Variants in SFXN2 observed in about 807,000 individuals in gnomAD.
SFXN2 encodes sideroflexin-2.
Under a neutral mutation model 41.9 loss-of-function variants are expected in SFXN2, and 37 were observed. The ratio of observed to expected loss-of-function variants is 0.88; its 90% CI spans 0.68 to 1.16. The LOEUF is 1.16. Ranked by LOEUF, SFXN2 falls within the 50% of genes most tolerant of loss-of-function variation. The probability of loss-of-function intolerance (pLI) is 0.00; values close to 1 mark genes in which losing one functional copy is unlikely to be tolerated. For missense variants in SFXN2, 386 were observed against 425.2 expected (o/e 0.91, Z 0.81); for synonymous variants, 150 against 156.7 (o/e 0.96, Z 0.32).
At chr10:102,723,503 C>T (rs1008949201) in intron 1 of SFXN2, among the ~76,000 whole-genome samples, 1 of 152,116 alleles carries the variant, frequency 6.6e-6, no homozygotes, top group South Asian at 2.1e-4. Context: ...CCAACCGCCT[C>T]GGCCTCCCAA....
chr10:102,731,786 G>A lies in SFXN2; in HGVS notation c.654+3G>A, dbSNP rs2064708269. 6.2e-7 allele frequency: 1 copy of A among 1,613,686 alleles called. No individual in the cohort carries two copies. Among genetic ancestry groups the A allele is most frequent in the South Asian group, 1.1e-5 (1 of 91,018 alleles). On this transcript the variant is annotated splice_donor_region_variant and intron_variant, in intron 7 of 11. Transcript: ENST00000369893. ...AAAATGAGATTGGTCATTCCCGGGTGAGCAGAGGCCTCCCTTTGGGGTGGG... is the reference window on the plus strand; with the variant it reads ...AAAATGAGATTGGTCATTCCCGGGTAAGCAGAGGCCTCCCTTTGGGGTGGG...
At chr10:102,732,446 G>A (rs2064717811) in intron 8 of SFXN2, among the ~76,000 whole-genome samples, 1 of 152,208 alleles carries the variant, frequency 6.6e-6, no homozygotes, top group Non-Finnish European at 1.5e-5. Flanking sequence ...TACTTGTCAA[G>A]CCCTTGTGTT....
chr10:102,720,380 C>T (rs2489740), intron 1 of SFXN2, among the ~76,000 whole-genome samples: 150,049 of 150,314 alleles, frequency 1, 74,892 homozygotes, highest in East Asian at 1. Context: ...GAGGCTGAGG[C>T]AGGTAGATCC....
intron 1 of SFXN2, among the ~76,000 whole-genome samples, chr10:102,723,065 G>A (rs2064533605): frequency 6.6e-6 from 1 of 150,834 alleles, no homozygotes; most frequent in Admixed American, 6.6e-5. Context: ...CCCAGTAGCT[G>A]GGACTGCAGG....
intron 1 of SFXN2, among the ~76,000 whole-genome samples, chr10:102,720,689 A>G (rs1203757668): frequency 6.6e-6 from 1 of 152,120 alleles, no homozygotes; most frequent in Non-Finnish European, 1.5e-5. Context: ...TCTCCCTCAA[A>G]GCCAATTTTT....
At chr10:102,718,339 T>C (rs2064448331) in intron 1 of SFXN2, among the ~76,000 whole-genome samples, 1 of 152,244 alleles carries the variant, frequency 6.6e-6, no homozygotes. Flanking sequence ...AGTCAGGCTG[T>C]CTCCAGCATG....
chr10:102,731,134 G>A lies in SFXN2; in HGVS notation c.594-589G>A, dbSNP rs2064697420. Among the ~76,000 whole-genome samples, 3 of 151,668 alleles carry A rather than the reference G, an allele frequency of 2.0e-5. No homozygotes were observed. In the South Asian group the frequency reaches 6.3e-4, roughly 32 times the overall value. On this transcript the variant is annotated intron_variant, in intron 6 of 11. Transcript: ENST00000369893. ...AAACAAAAATTAGCCGGGCATGGTG[G>A]CGCATGCCTGTAATTCTAGCTACTG...
intron 9 of SFXN2, 113 bp downstream of exon 9, chr10:102,733,021 C>G: frequency 9.2e-7 from 1 of 1,083,396 alleles, no homozygotes; most frequent in Non-Finnish European, 1.4e-6. Context: ...AGCTACCATG[C>G]TGTCATCTCA....
At chr10:102,720,350 C>T (rs2064491125) in intron 1 of SFXN2, among the ~76,000 whole-genome samples, 1 of 149,264 alleles carries the variant, frequency 6.7e-6, no homozygotes, top group Non-Finnish European at 1.5e-5. Context: ...TAGCTCACTC[C>T]TGTAATCCCA....
At position 102,734,401 on chromosome 10, in the gene SFXN2, C is replaced by G. The variant is rs957229824; in HGVS notation, c.821+798C>G. ...ACTGTATATTTTCTCTGTGTCCCCA[C>G]TGAACCCAGTGTTTCATATCTATAA... On this transcript the variant is annotated intron_variant, in intron 10 of 11. Transcript: ENST00000369893. The surrounding 1 kb of genome is among the most constrained non-coding windows in gnomAD (Gnocchi z 4.1). Among the ~76,000 whole-genome samples the G allele has an allele frequency of 6.6e-6, 1 of 152,212 alleles. No individual in the cohort carries two copies. The highest frequency in any genetic ancestry group is 1.9e-4 in the East Asian group (1 of 5,200).
chr10:102,737,576 G>A (rs752223707), intron 11 of SFXN2, 87 bp from the exon 12 acceptor site: 2 of 833,028 alleles, frequency 2.4e-6, no homozygotes, highest in Non-Finnish European at 4.1e-6. Flanking sequence ...GAAAAATCAG[G>A]AGGGCTTCTT....
intron 9 of SFXN2, among the ~76,000 whole-genome samples, chr10:102,733,216 T>A (rs1320782302): frequency 6.6e-6 from 1 of 152,122 alleles, no homozygotes; most frequent in African/African-American, 2.4e-5. Context: ...GGCGCGATCT[T>A]GGCTCACTGC....
intron 7 of SFXN2, 27 bp from the exon 8 acceptor site, chr10:102,732,125 T>C (rs1237850305): frequency 6.2e-6 from 10 of 1,607,444 alleles, no homozygotes; most frequent in Non-Finnish European, 8.5e-6. Context: ...ACATCATTTC[T>C]GACAACTTAC....
chr10:102,737,284 G>T (rs2064793632), intron 11 of SFXN2, among the ~76,000 whole-genome samples: 1 of 152,156 alleles, frequency 6.6e-6, no homozygotes. Flanking sequence ...AAAGGGAAGG[G>T]ATACATCAGA....
In SFXN2 at chr10:102,742,386, C is replaced by A. The variant is rs1348894278; in HGVS notation, c.*4624C>A. 1 of 151,892 alleles carries A rather than the reference C, an allele frequency of 6.6e-6. No individual in the cohort carries two copies. Among genetic ancestry groups the A allele is most frequent in the Admixed American group, 6.6e-5 (1 of 15,218 alleles). The allele number at this position is 151,892 out of a possible 1,614,324, so 9.4% of individuals were successfully genotyped here. On this transcript the variant is annotated 3_prime_UTR_variant, in exon 12 of 12. Transcript: ENST00000369893. ...TTTCACAATGTTGGCCAGGCTCGAACTCCTGACCATGTGATCCGCCCACCT... is the reference window on the plus strand; with the variant it reads ...TTTCACAATGTTGGCCAGGCTCGAAATCCTGACCATGTGATCCGCCCACCT...
At chr10:102,727,498 G>A (rs2064619795) in intron 3 of SFXN2, among the ~76,000 whole-genome samples, 1 of 152,164 alleles carries the variant, frequency 6.6e-6, no homozygotes, top group Non-Finnish European at 1.5e-5. Flanking sequence ...TCTTTAAAAA[G>A]TACTTATTCC....
chr10:102,721,506 ATATGT>A (rs2064507994), intron 1 of SFXN2, among the ~76,000 whole-genome samples: 1 of 139,332 alleles, frequency 7.2e-6, no homozygotes, highest in South Asian at 2.1e-4. Context: ...TATTATTTTT[ATATGT>A]TATATTTAAA....
rs1422525844 is a variant in SFXN2, at chr10:102,733,557, G to A, written c.775G>A (p.Val259Ile). 1 of 1,613,544 alleles carries A rather than the reference G, an allele frequency of 6.2e-7. No individual in the cohort carries two copies. Among genetic ancestry groups the A allele is most frequent in the African/African-American group, 1.3e-5 (1 of 74,900 alleles). The part of the protein sequence containing the change: ...RLEKLHFMQK[V>I]KVLHAPLQVM... Reference sequence around the variant, plus strand: ...TCTTTTATTTGTTTTTATACAGAAAGTCAAGGTCCTGCACGCCCCATTGCA... The same window carrying A: ...TCTTTTATTTGTTTTTATACAGAAAATCAAGGTCCTGCACGCCCCATTGCA... Residue 259 changes from valine to isoleucine, a missense_variant, in exon 10 of 12, where the codon GTC (valine) becomes ATC (isoleucine). Coordinates refer to ENST00000369893, the MANE Select transcript of SFXN2 (RefSeq NM_178858.6).
chr10:102,727,531 A>G (rs1311715330), intron 3 of SFXN2: 2 of 172,802 alleles, frequency 1.2e-5, no homozygotes, highest in East Asian at 3.1e-4. Context: ...ATTATGTAAC[A>G]CCCAAACAAA....
Sources: gnomAD v4.1 joint callset for allele counts (sites outside exome capture counted in the v4.1 genomes callset) on GRCh38, gnomAD v4.1.1 for gene constraint, Gnocchi (gnomAD v3.1) non-coding constraint, MANE v1.5 for transcripts, NCBI Gene and HGNC (gene_info 2026-07-23, HGNC 2026-07-21) for gene names.